Variants in SCYL2 observed in about 807,000 individuals in gnomAD.
SCYL2 encodes the protein SCY1-like protein 2.
SCYL2 carries 36 observed loss-of-function variants against 100.4 expected under a neutral mutation model. That is an observed-to-expected ratio of 0.36 (90% CI 0.27 to 0.47). The LOEUF (loss-of-function observed/expected upper bound fraction) is 0.47. Ranked by LOEUF, SCYL2 falls within the 20% of genes least tolerant of loss-of-function variation. SCYL2 has a pLI of 1.00. For synonymous variants in SCYL2, 330 were observed against 359.2 expected, an observed-to-expected ratio of 0.92 and a Z score of 0.92; for missense variants, 902 against 1,083.9, an observed-to-expected ratio of 0.83 and a Z score of 2.36.
chr12:100,337,087 T>G (rs561392364), intron 16 of SCYL2, among the ~76,000 whole-genome samples: 1 of 152,272 alleles, frequency 6.6e-6, no homozygotes, highest in Admixed American at 6.5e-5. Flanking sequence ...TTCCCAATTT[T>G]CAAGAATGAA....
intron 1 of SCYL2, among the ~76,000 whole-genome samples, chr12:100,282,736 G>A (rs1185662911): frequency 6.6e-6 from 1 of 152,168 alleles, no homozygotes. Flanking sequence ...GAGAACTGAG[G>A]TTGAAACGAG....
chr12:100,311,473 G>A (rs981041174), intron 5 of SCYL2, among the ~76,000 whole-genome samples: 1 of 151,754 alleles, frequency 6.6e-6, no homozygotes, highest in Non-Finnish European at 1.5e-5. Context: ...AATAACACAT[G>A]TGACTCTCTA....
At chr12:100,292,748 A>T (rs1371936009) in intron 3 of SCYL2, among the ~76,000 whole-genome samples, 1 of 152,202 alleles carries the variant, frequency 6.6e-6, no homozygotes, top group Non-Finnish European at 1.5e-5. Flanking sequence ...TCATTTTGTC[A>T]TTCTGATTCC....
chr12:100,275,332 G>T (rs2096291438), intron 1 of SCYL2, among the ~76,000 whole-genome samples: 1 of 151,972 alleles, frequency 6.6e-6, no homozygotes, highest in Non-Finnish European at 1.5e-5. Context: ...CTACTGAGTA[G>T]CTGGGACTGC....
chr12:100,309,388 C>T (rs2096339310), intron 4 of SCYL2, among the ~76,000 whole-genome samples: 1 of 152,120 alleles, frequency 6.6e-6, no homozygotes, highest in African/African-American at 2.4e-5. Flanking sequence ...CCTCCAACTC[C>T]TCCTCCCTTC....
intron 12 of SCYL2, chr12:100,327,189 C>T: frequency 2.4e-6 from 1 of 410,478 alleles, no homozygotes. Context: ...TATAAGGAAA[C>T]TGAGGCTCAG....
At chr12:100,314,277 C>T (rs1000536727) in intron 7 of SCYL2, among the ~76,000 whole-genome samples, 2 of 152,168 alleles carry the variant, frequency 1.3e-5, no homozygotes, top group Non-Finnish European at 2.9e-5. Context: ...AGTTTTTACC[C>T]AGCCAATTCA....
chr12:100,305,195 A>G (rs1222846549), intron 4 of SCYL2, among the ~76,000 whole-genome samples: 2 of 152,254 alleles, frequency 1.3e-5, no homozygotes, highest in Admixed American at 6.5e-5. Context: ...AATCAACAGA[A>G]TATACATTCT....
chr12:100,272,305 A>G (rs1039312269), intron 1 of SCYL2, among the ~76,000 whole-genome samples: 1 of 152,240 alleles, frequency 6.6e-6, no homozygotes, highest in African/African-American at 2.4e-5. Context: ...ATGAAAAGCT[A>G]TCATTTTAAG....
chr12:100,311,273 G>T, intron 5 of SCYL2, 80 bp downstream of exon 5: 8 of 1,366,038 alleles, frequency 5.9e-6, no homozygotes, highest in Non-Finnish European at 3.9e-6. Flanking sequence ...AATAGGCTAT[G>T]TGGTACAGTG....
intron 1 of SCYL2, among the ~76,000 whole-genome samples, chr12:100,280,163 GT>G (rs1176199165): frequency 2.6e-5 from 4 of 152,126 alleles, no homozygotes; most frequent in Non-Finnish European, 5.9e-5. Context: ...ATTTTGTTCA[GT>G]TTTCTAGTTG....
rs1306289655 is a variant in SCYL2, at chr12:100,289,774, A to G, written c.178-1729A>G. Among the ~76,000 whole-genome samples, 4 of 152,290 alleles carry G rather than the reference A, an allele frequency of 2.6e-5. No individual in the cohort carries two copies. In the East Asian group the frequency reaches 7.7e-4, roughly 29 times the overall value. The stretch of plus-strand genomic sequence containing the variant: ...GACTCTGGAAACTGGGCTCTTGATC[A>G]CTGTTATATTCTTATGCTGCATGTT... On this transcript the variant is annotated intron_variant, in intron 2 of 17. Transcript: ENST00000360820.
intron 5 of SCYL2, 143 bp downstream of exon 5, chr12:100,311,336 A>G: frequency 1.5e-6 from 1 of 666,370 alleles, no homozygotes; most frequent in Non-Finnish European, 2.2e-6. Flanking sequence ...ATTGCACTTA[A>G]GAGTATTCTT....
rs192646322 is a variant in SCYL2, at chr12:100,341,060, G to T, written c.*1888G>T. 1.3e-5 allele frequency: 2 copies of T among 152,024 alleles called. No homozygotes were observed. The highest frequency in any genetic ancestry group is 4.8e-5 in the African/African-American group (2 of 41,518). 9.4% of individuals were successfully genotyped at this position (152,024 alleles called of 1,614,324 possible). ...AGAAAGCTTAATATAACAGCTTATAGAACTTGAACTACTAAATATGAAAAT... is the reference window on the plus strand; with the variant it reads ...AGAAAGCTTAATATAACAGCTTATATAACTTGAACTACTAAATATGAAAAT... On this transcript the variant is annotated 3_prime_UTR_variant, in exon 18 of 18. Transcript: ENST00000360820.
intron 4 of SCYL2, among the ~76,000 whole-genome samples, chr12:100,300,198 T>C (rs2096325870): frequency 6.6e-6 from 1 of 152,210 alleles, no homozygotes; most frequent in Admixed American, 6.5e-5. Flanking sequence ...GCCCATTTTT[T>C]TGAGGGGTTG....
chr12:100,275,949 T>G (rs2096292079), intron 1 of SCYL2, among the ~76,000 whole-genome samples: 1 of 152,254 alleles, frequency 6.6e-6, no homozygotes, highest in Non-Finnish European at 1.5e-5. Context: ...TTTTTTTCAT[T>G]ATTCAGTTAA....
At chr12:100,302,090 C>G (rs936041507) in intron 4 of SCYL2, among the ~76,000 whole-genome samples, 2 of 152,178 alleles carry the variant, frequency 1.3e-5, no homozygotes, top group Admixed American at 6.5e-5. Flanking sequence ...TTAAAACTGC[C>G]TGGTGCTGTA....
chr12:100,299,487 C>G (rs536363251), intron 4 of SCYL2, among the ~76,000 whole-genome samples: 6 of 152,266 alleles, frequency 3.9e-5, no homozygotes, highest in Admixed American at 1.3e-4. Flanking sequence ...CAAGAGCTTC[C>G]TCATACTCCT....
Position 100,339,789 on chromosome 12 carries a change from T to C in SCYL2, c.*617T>C, listed in dbSNP as rs1952330209. On this transcript the variant is annotated 3_prime_UTR_variant, in exon 18 of 18. Coordinates refer to ENST00000360820, the MANE Select transcript of SCYL2 (RefSeq NM_017988.6). ...TCATTTCATTGGTTTAAATGCGTTA[T>C]TAACCATCTTAAGTGCAAACTAATC... 6.6e-6 allele frequency: 1 copy of C among 152,668 alleles called. No homozygotes were observed. The highest frequency in any genetic ancestry group is 2.4e-5 in the African/African-American group (1 of 41,470). 9.5% of individuals were successfully genotyped at this position (152,668 alleles called of 1,614,324 possible). A position where few individuals can be genotyped will look rare whatever the true frequency, so the allele number is the denominator to read the frequency against.
Sources: allele counts gnomAD v4.1 joint callset (sites outside exome capture counted in the v4.1 genomes callset), GRCh38; gene constraint gnomAD v4.1.1; transcripts MANE v1.5; gene names NCBI Gene and HGNC (gene_info 2026-07-23, HGNC 2026-07-21).